Variants in GRID2 observed in about 807,000 individuals in gnomAD.
The protein encoded by GRID2 is glutamate receptor ionotropic, delta-2.
Under a neutral mutation model 114.8 loss-of-function variants are expected in GRID2, and 33 were observed. The ratio of observed to expected loss-of-function variants is 0.29; its 90% confidence interval spans 0.22 to 0.38. GRID2 has a LOEUF of 0.38. Ranked by LOEUF, GRID2 falls within the 10% of genes least tolerant of loss-of-function variation. The pLI is 1.00. For missense variants in GRID2, 1,184 were observed against 1,257.7 expected (o/e 0.94, Z 0.89); for synonymous variants, 505 against 449.9 (o/e 1.12, Z -1.55).
At position 93,626,344 on chromosome 4, in the gene GRID2, T is replaced by C; in HGVS notation, c.2269T>C (p.Ser757Pro). The C allele has an allele frequency of 1.2e-6, 2 of 1,604,238 alleles. No individual in the cohort carries two copies. Among genetic ancestry groups the C allele is most frequent in the South Asian group, 2.2e-5 (2 of 90,828 alleles). The change falls in exon 14 of 16, where the codon TCC becomes CCC. Residue 757 changes from serine (S) to proline (P), a missense_variant. By Grantham distance (74) the Ser-to-Pro change is moderately conservative. Transcript: ENST00000282020. ...EYVAINDPDCSFYTIGNTVAD... is the reference protein window; with the variant it reads ...EYVAINDPDCPFYTIGNTVAD... ...TGTGGCTATCAATGACCCAGATTGT[T>C]CCTTTTACACCATTGGAAATACTGT...
chr4:92,712,882 T>A (rs1445142915), intron 2 of GRID2, among the ~76,000 whole-genome samples: 1 of 152,174 alleles, frequency 6.6e-6, no homozygotes, highest in Non-Finnish European at 1.5e-5. Flanking sequence ...GAGATCTAGC[T>A]ACTGTATGTA....
At chr4:92,752,684 T>A (rs1737510653) in intron 2 of GRID2, among the ~76,000 whole-genome samples, 1 of 152,224 alleles carries the variant, frequency 6.6e-6, no homozygotes, top group African/African-American at 2.4e-5. Context: ...CTAGACTTTT[T>A]AAACTGCTAG....
intron 5 of GRID2, 104 bp from the exon 6 acceptor site, chr4:93,216,634 T>G: frequency 1.3e-6 from 1 of 755,784 alleles, no homozygotes; most frequent in South Asian, 1.8e-5. Flanking sequence ...ACCAATATAT[T>G]ACAGTAACAG....
chr4:92,793,509 T>A (rs920082593), intron 2 of GRID2, among the ~76,000 whole-genome samples: 13 of 151,212 alleles, frequency 8.6e-5, no homozygotes, highest in Middle Eastern at 3.4e-3. Flanking sequence ...AGTTTACCTA[T>A]GTAACAAATC....
intron 1 of GRID2, among the ~76,000 whole-genome samples, chr4:92,399,053 T>C (rs4693295): frequency 0.44 from 66,654 of 152,034 alleles, 15,987 homozygotes; most frequent in East Asian, 0.8. Flanking sequence ...AGAGACCAAA[T>C]TACTCATCCA....
At chr4:92,656,553 A>G (rs1322958164) in intron 2 of GRID2, among the ~76,000 whole-genome samples, 1 of 151,722 alleles carries the variant, frequency 6.6e-6, no homozygotes, top group African/African-American at 2.4e-5. Flanking sequence ...ATAATGGCAC[A>G]TGGTTAACAA....
intron 13 of GRID2, among the ~76,000 whole-genome samples, chr4:93,526,927 A>T (rs1041251659): frequency 2.0e-5 from 3 of 152,342 alleles, no homozygotes; most frequent in Non-Finnish European, 1.5e-5. Flanking sequence ...TTGACTTTTT[A>T]AAAAATAAAA....
At chr4:93,194,393 A>G (rs548573037) in intron 4 of GRID2, among the ~76,000 whole-genome samples, 1 of 152,270 alleles carries the variant, frequency 6.6e-6, no homozygotes, top group Admixed American at 6.5e-5. Flanking sequence ...TTTTTTTCAG[A>G]TATGCTATTT....
intron 4 of GRID2, among the ~76,000 whole-genome samples, chr4:93,173,766 ACTATAGG>A (rs1739078761): frequency 6.6e-6 from 1 of 152,028 alleles, no homozygotes; most frequent in African/African-American, 2.4e-5. Flanking sequence ...AGCAGCTGGG[ACTATAGG>A]CATGTGCCAC....
intron 1 of GRID2, among the ~76,000 whole-genome samples, chr4:92,408,304 T>G (rs1020337421): frequency 3.3e-5 from 5 of 152,094 alleles, no homozygotes; most frequent in African/African-American, 1.2e-4. Context: ...CTGGTCGATG[T>G]GTCTGTTTTT....
At chr4:92,655,727 C>T (rs1206444859) in intron 2 of GRID2, among the ~76,000 whole-genome samples, 1 of 151,494 alleles carries the variant, frequency 6.6e-6, no homozygotes, top group East Asian at 1.9e-4. Flanking sequence ...ATTTTGTATC[C>T]TGTAAGTTAC....
intron 2 of GRID2, among the ~76,000 whole-genome samples, chr4:93,067,416 G>A (rs1160299224): frequency 2.0e-5 from 3 of 151,956 alleles, no homozygotes; most frequent in Admixed American, 6.6e-5. Flanking sequence ...TGTCTTGTAA[G>A]GGCCCATGTT....
At chr4:92,634,105 C>G (rs1579727679) in intron 2 of GRID2, among the ~76,000 whole-genome samples, 2 of 139,194 alleles carry the variant, frequency 1.4e-5, no homozygotes, top group Non-Finnish European at 3.2e-5. Flanking sequence ...AGCTAGAAAA[C>G]AAAAATTGCA....
At chr4:92,647,973 A>G (rs1731730806) in intron 2 of GRID2, among the ~76,000 whole-genome samples, 1 of 149,794 alleles carries the variant, frequency 6.7e-6, no homozygotes, top group Non-Finnish European at 1.5e-5. Context: ...TTTGTTATAC[A>G]GATTAAGGAA....
At chr4:92,600,044 GTATATA>G (rs70942915) in intron 2 of GRID2, among the ~76,000 whole-genome samples, 2,012 of 54,316 alleles carry the variant, frequency 0.037, 46 homozygotes, top group South Asian at 0.061. Flanking sequence ...GTGTGTGTGT[GTATATA>G]TATATATATA....
chr4:93,283,240 T>C (rs997931248), intron 8 of GRID2, among the ~76,000 whole-genome samples: 7 of 152,064 alleles, frequency 4.6e-5, no homozygotes, highest in African/African-American at 1.4e-4. Context: ...TTAAATGTTA[T>C]GTACTGTTTC....
intron 1 of GRID2, among the ~76,000 whole-genome samples, chr4:92,417,146 T>C (rs1731657556): frequency 6.6e-6 from 1 of 152,112 alleles, no homozygotes; most frequent in African/African-American, 2.4e-5. Flanking sequence ...AAGTTTATAT[T>C]GGCAATGTAA....
At chr4:93,240,955 A>G (rs1472406081) in intron 8 of GRID2, among the ~76,000 whole-genome samples, 1 of 151,636 alleles carries the variant, frequency 6.6e-6, no homozygotes, top group Non-Finnish European at 1.5e-5. Flanking sequence ...TTTTATTATT[A>G]GAAGCACAGA....
At chr4:92,892,563 G>A (rs1030905856) in intron 2 of GRID2, among the ~76,000 whole-genome samples, 1 of 152,068 alleles carries the variant, frequency 6.6e-6, no homozygotes, top group African/African-American at 2.4e-5. Flanking sequence ...TGAAAATGTG[G>A]CAGCTCATTC....
Sources: gnomAD v4.1 joint callset for allele counts (sites outside exome capture counted in the v4.1 genomes callset) on GRCh38, gnomAD v4.1.1 for gene constraint, MANE v1.5 for transcripts, NCBI Gene and HGNC (gene_info 2026-07-23, HGNC 2026-07-21) for gene names.